PTPRD: variants seen among roughly 807,000 people sequenced by gnomAD.
The protein encoded by PTPRD is receptor-type tyrosine-protein phosphatase delta.
PTPRD carries 34 observed loss-of-function variants against 214.5 expected under a neutral mutation model. The ratio of observed to expected loss-of-function variants is 0.16; its 90% CI spans 0.12 to 0.21. The LOEUF is 0.21. PTPRD is among the 10% of genes least tolerant of loss of function. PTPRD has a pLI of 1.00. For synonymous variants in PTPRD, 1,128 were observed against 845.7 expected (o/e 1.33, Z -5.79); for missense variants, 2,545 against 2,398.7 (o/e 1.06, Z -1.27).
intron 11 of PTPRD, among the ~76,000 whole-genome samples, chr9:8,812,762 CT>C (rs567674415): frequency 6.6e-6 from 1 of 150,492 alleles, no homozygotes; most frequent in South Asian, 2.1e-4. Flanking sequence ...AATATACAAA[CT>C]TTTTTTTTAA....
intron 3 of PTPRD, among the ~76,000 whole-genome samples, chr9:10,092,513 T>C (rs1288485778): frequency 6.6e-6 from 1 of 151,466 alleles, no homozygotes; most frequent in African/African-American, 2.4e-5. Context: ...TGCCAAAATG[T>C]GTCCTACAAA....
intron 11 of PTPRD, among the ~76,000 whole-genome samples, chr9:8,920,800 CTTATTTAT>C (rs201981267): frequency 6.6e-6 from 1 of 151,672 alleles, no homozygotes; most frequent in African/African-American, 2.4e-5. Context: ...TCTCCATTTT[CTTATTTAT>C]TTATTTATTT....
At chr9:9,336,436 G>A (rs2044510925) in intron 9 of PTPRD, among the ~76,000 whole-genome samples, 1 of 152,154 alleles carries the variant, frequency 6.6e-6, no homozygotes, top group African/African-American at 2.4e-5. Context: ...ACGTCGCACA[G>A]TGATCTTGAT....
chr9:8,785,774 T>G (rs1202325478), intron 11 of PTPRD, among the ~76,000 whole-genome samples: 1 of 152,216 alleles, frequency 6.6e-6, no homozygotes, highest in Non-Finnish European at 1.5e-5. Flanking sequence ...AAAGTAAAGC[T>G]TCAAACTAGG....
intron 14 of PTPRD, among the ~76,000 whole-genome samples, chr9:8,607,562 G>C (rs565674184): frequency 3.9e-5 from 6 of 152,268 alleles, no homozygotes; most frequent in Non-Finnish European, 8.8e-5. Flanking sequence ...AGAATTGCTT[G>C]AGCCCGGGAG....
intron 6 of PTPRD, among the ~76,000 whole-genome samples, chr9:9,744,020 G>A (rs1205061057): frequency 1.3e-5 from 2 of 151,958 alleles, no homozygotes; most frequent in African/African-American, 4.8e-5. Flanking sequence ...TCTTGATGAC[G>A]TCATTCTATT....
intron 7 of PTPRD, among the ~76,000 whole-genome samples, chr9:9,609,297 T>A (rs1012265133): frequency 6.6e-6 from 1 of 152,108 alleles, no homozygotes; most frequent in African/African-American, 2.4e-5. Flanking sequence ...AACAATTCAG[T>A]CTGAGGTTGT....
chr9:8,849,054 C>G (rs1322133648), intron 11 of PTPRD, among the ~76,000 whole-genome samples: 1 of 151,948 alleles, frequency 6.6e-6, no homozygotes. Flanking sequence ...TGAAATTTTT[C>G]CCCATAAAGG....
chr9:9,868,950 T>G (rs2064731735), intron 5 of PTPRD, among the ~76,000 whole-genome samples: 1 of 152,076 alleles, frequency 6.6e-6, no homozygotes, highest in South Asian at 2.1e-4. Context: ...AAAAAGAATA[T>G]TTGCAAATAT....
At chr9:8,358,762 A>C (rs2077591791) in intron 39 of PTPRD, among the ~76,000 whole-genome samples, 1 of 152,120 alleles carries the variant, frequency 6.6e-6, no homozygotes, top group Admixed American at 6.5e-5. Flanking sequence ...CTACTAATAA[A>C]TTTTATGAAA....
chr9:10,137,499 A>G (rs2098950400), intron 3 of PTPRD, among the ~76,000 whole-genome samples: 1 of 73,494 alleles, frequency 1.4e-5, no homozygotes, highest in African/African-American at 6.0e-5. Context: ...GGAATTGAAC[A>G]ATGAGATCAC....
At chr9:8,908,470 T>G (rs1339731514) in intron 11 of PTPRD, among the ~76,000 whole-genome samples, 1 of 151,882 alleles carries the variant, frequency 6.6e-6, no homozygotes, top group Non-Finnish European at 1.5e-5. Context: ...ATACAGAAAT[T>G]AAACAGCACA....
intron 12 of PTPRD, among the ~76,000 whole-genome samples, chr9:8,663,738 G>A (rs1031694973): frequency 1.3e-5 from 2 of 151,902 alleles, no homozygotes; most frequent in East Asian, 1.9e-4. Context: ...TGATCTGCCC[G>A]CCTCGGCCTC....
intron 2 of PTPRD, among the ~76,000 whole-genome samples, chr9:10,505,890 C>T (rs891992452): frequency 4.6e-5 from 7 of 151,898 alleles, no homozygotes; most frequent in Admixed American, 3.3e-4. Flanking sequence ...TTAGATATAT[C>T]AATACATAAG....
At chr9:10,177,449 TAA>T (rs35075915) in intron 3 of PTPRD, among the ~76,000 whole-genome samples, 14,289 of 136,734 alleles carry the variant, frequency 0.1, 898 homozygotes, top group South Asian at 0.21. Flanking sequence ...TAAAATGTTG[TAA>T]AAAAAAAAAA....
At chr9:10,227,572 G>A (rs968538351) in intron 3 of PTPRD, among the ~76,000 whole-genome samples, 3 of 151,836 alleles carry the variant, frequency 2.0e-5, no homozygotes, top group Non-Finnish European at 2.9e-5. Context: ...GGCTAGATAA[G>A]GTGATCCTCC....
intron 11 of PTPRD, among the ~76,000 whole-genome samples, chr9:8,816,222 G>C (rs946087531): frequency 2.2e-4 from 34 of 152,124 alleles, no homozygotes; most frequent in South Asian, 1.2e-3. Flanking sequence ...ACAGACATTA[G>C]CTTTAGGAAA....
intron 5 of PTPRD, among the ~76,000 whole-genome samples, chr9:9,900,221 A>C (rs966290023): frequency 2.6e-5 from 4 of 152,182 alleles, no homozygotes; most frequent in African/African-American, 9.7e-5. Context: ...TTTTAAATAA[A>C]AGTTCCAACT....
At chr9:9,692,173 G>GTTCGCACTAAATCTCATCTTGAATT (rs2097284542) in intron 7 of PTPRD, among the ~76,000 whole-genome samples, 1 of 151,860 alleles carries the variant, frequency 6.6e-6, no homozygotes, top group African/African-American at 2.4e-5. Flanking sequence ...CTATGCTTGT[G>GTTCGCACTAAATCTCATCTTGAATT]GGATATTCAT....
Sources: allele counts gnomAD v4.1 joint callset (sites outside exome capture counted in the v4.1 genomes callset), GRCh38; gene constraint gnomAD v4.1.1; transcripts MANE v1.5; gene names NCBI Gene and HGNC (gene_info 2026-07-23, HGNC 2026-07-21).